The following SYT2 variants were observed in gnomAD, a reference collection of about 807,000 sequenced individuals.
SYT2 encodes the protein synaptotagmin-2.
Under a neutral mutation model 39.9 loss-of-function variants are expected in SYT2, and 15 were observed. The ratio of observed to expected loss-of-function variants is 0.38; its 90% CI spans 0.25 to 0.58. The LOEUF (loss-of-function observed/expected upper bound fraction) is 0.58. SYT2 is among the 20% of genes least tolerant of loss of function. The probability of loss-of-function intolerance (pLI) is 0.70; values close to 1 mark genes in which losing one functional copy is unlikely to be tolerated. For missense variants in SYT2, 389 were observed against 530.3 expected, an observed-to-expected ratio of 0.73 and a Z score of 2.62; for synonymous variants, 181 against 204.5, an observed-to-expected ratio of 0.89 and a Z score of 0.98.
At chr1:202,658,253 A>G (rs188964377) in intron 1 of SYT2, among the ~76,000 whole-genome samples, 61 of 152,304 alleles carry the variant, frequency 4.0e-4, no homozygotes, top group African/African-American at 1.4e-3. Flanking sequence ...TGACGAGGGC[A>G]TCTGCACTGG....
chr1:202,698,503 A>G (rs1654031648), intron 1 of SYT2, among the ~76,000 whole-genome samples: 1 of 152,204 alleles, frequency 6.6e-6, no homozygotes, highest in Non-Finnish European at 1.5e-5. Flanking sequence ...CAGAGCCACA[A>G]AAGCCACAGA....
chr1:202,655,479 G>C (rs1558450410), intron 1 of SYT2, among the ~76,000 whole-genome samples: 1 of 152,072 alleles, frequency 6.6e-6, no homozygotes, highest in African/African-American at 2.4e-5. Flanking sequence ...CAGGGACAAG[G>C]GGACACTACC....
intron 1 of SYT2, among the ~76,000 whole-genome samples, chr1:202,679,520 T>A (rs1170288979): frequency 6.6e-6 from 1 of 152,210 alleles, no homozygotes; most frequent in Non-Finnish European, 1.5e-5. Flanking sequence ...TATCTCCCAC[T>A]TATAATTGGT....
At position 202,659,239 on chromosome 1, in the gene SYT2, G is replaced by A. The variant is rs115473758; in HGVS notation, c.-18+51019C>T. ...CTGCACACATGCTACCTCTGTCCGTGTTCTTCTGATCTTGGGTTTCATTTT... is the reference window on the plus strand; with the variant it reads ...CTGCACACATGCTACCTCTGTCCGTATTCTTCTGATCTTGGGTTTCATTTT... On this transcript the variant is annotated intron_variant, in intron 1 of 8. Coordinates refer to ENST00000367268, the MANE Select transcript of SYT2 (RefSeq NM_177402.5). 2.2e-3 allele frequency among the ~76,000 whole-genome samples: 338 copies of A among 152,248 alleles called. 1 individual carries two copies. The highest frequency in any genetic ancestry group is 7.7e-3 in the African/African-American group (319 of 41,548).
At chr1:202,597,548 T>TA (rs1213386254) in intron 8 of SYT2, among the ~76,000 whole-genome samples, 1 of 152,130 alleles carries the variant, frequency 6.6e-6, no homozygotes, top group African/African-American at 2.4e-5. Context: ...CATTGAGGTA[T>TA]AGGGTGAGAA....
intron 1 of SYT2, among the ~76,000 whole-genome samples, chr1:202,698,118 C>CCAA (rs1553344158): frequency 1.4e-5 from 2 of 146,348 alleles, no homozygotes; most frequent in Admixed American, 7.5e-5. Flanking sequence ...CACCACCCCC[C>CCAA]CAAGGAAAGT....
intron 1 of SYT2, among the ~76,000 whole-genome samples, chr1:202,667,136 C>T (rs111582882): frequency 0.027 from 4,074 of 152,054 alleles, 169 homozygotes; most frequent in African/African-American, 0.094. Flanking sequence ...AGAAGTAAGG[C>T]GGGGAAAAGA....
intron 1 of SYT2, among the ~76,000 whole-genome samples, chr1:202,638,125 T>G (rs2149094900): frequency 6.6e-6 from 1 of 152,326 alleles, no homozygotes; most frequent in East Asian, 1.9e-4. Context: ...CTTTGTTAAA[T>G]TGCTAAGATG....
chr1:202,707,862 A>G (rs912777343), intron 1 of SYT2, among the ~76,000 whole-genome samples: 2 of 152,206 alleles, frequency 1.3e-5, no homozygotes, highest in Admixed American at 1.3e-4. Flanking sequence ...TGAGAAGGGC[A>G]AGGAAGAGGC....
rs796155300 is a variant in SYT2 at position 202,618,215 on chromosome 1, T to G, written c.-17-12426A>C. 3.9e-5 allele frequency among the ~76,000 whole-genome samples: 6 copies of G among 152,246 alleles called. 1 individual carries two copies. The highest frequency in any genetic ancestry group is 1.4e-4 in the African/African-American group (6 of 41,538). On this transcript the variant is annotated intron_variant, in intron 1 of 8. Transcript: ENST00000367268. Reference sequence around the variant, plus strand: ...CAGACTTTGAGATTGGGTCACATTATGTCATTTCACAGAAGACACTGAATT... The same window carrying G: ...CAGACTTTGAGATTGGGTCACATTAGGTCATTTCACAGAAGACACTGAATT...
At chr1:202,613,417 A>ATG (rs907650733) in intron 1 of SYT2, among the ~76,000 whole-genome samples, 6 of 151,584 alleles carry the variant, frequency 4.0e-5, no homozygotes, top group East Asian at 3.9e-4. Context: ...GTGTGTGTGC[A>ATG]TGTGTGTGTG....
intron 4 of SYT2, 55 bp downstream of exon 4, chr1:202,602,944 C>T: frequency 6.3e-7 from 1 of 1,588,924 alleles, no homozygotes; most frequent in Admixed American, 1.7e-5. Flanking sequence ...CCCTTCCACC[C>T]AACTCCCAGG....
At chr1:202,642,907 T>C (rs1214861161) in intron 1 of SYT2, among the ~76,000 whole-genome samples, 1 of 152,244 alleles carries the variant, frequency 6.6e-6, no homozygotes, top group African/African-American at 2.4e-5. Flanking sequence ...CGCAGGTCCC[T>C]GGTCCCAGCG....
chr1:202,650,429 CAT>C (rs975577851), intron 1 of SYT2, among the ~76,000 whole-genome samples: 1 of 145,506 alleles, frequency 6.9e-6, no homozygotes, highest in Non-Finnish European at 1.5e-5. Flanking sequence ...ACATTTGTTT[CAT>C]ATGCTTTTGT....
intron 1 of SYT2, among the ~76,000 whole-genome samples, chr1:202,635,512 A>T (rs1364111861): frequency 2.0e-5 from 3 of 152,178 alleles, no homozygotes; most frequent in Non-Finnish European, 4.4e-5. Context: ...GGACTTCAAG[A>T]CATGAGCTCA....
At chr1:202,658,543 A>T (rs1692319337) in intron 1 of SYT2, among the ~76,000 whole-genome samples, 1 of 152,002 alleles carries the variant, frequency 6.6e-6, no homozygotes, top group Non-Finnish European at 1.5e-5. Context: ...CAGCTGCCAG[A>T]GGGGGTAAGA....
At chr1:202,684,536 A>G (rs1442184386) in intron 1 of SYT2, among the ~76,000 whole-genome samples, 2 of 152,196 alleles carry the variant, frequency 1.3e-5, no homozygotes, top group Non-Finnish European at 2.9e-5. Flanking sequence ...TTATCCATTC[A>G]TCAGTGAACT....
intron 1 of SYT2, among the ~76,000 whole-genome samples, chr1:202,631,466 C>T (rs1207014986): frequency 6.6e-6 from 1 of 152,216 alleles, no homozygotes; most frequent in East Asian, 1.9e-4. Flanking sequence ...TTTCTAGCAG[C>T]TTCTTGGCTC....
intron 6 of SYT2, 59 bp from the exon 7 acceptor site, chr1:202,600,533 G>A: frequency 6.5e-7 from 1 of 1,536,688 alleles, no homozygotes. Context: ...CTCTCTCATG[G>A]CTGACCTCTT....
Sources: allele counts gnomAD v4.1 joint callset (sites outside exome capture counted in the v4.1 genomes callset), GRCh38; gene constraint gnomAD v4.1.1; transcripts MANE v1.5; gene names NCBI Gene and HGNC (gene_info 2026-07-23, HGNC 2026-07-21).